TENM2: variants seen among roughly 807,000 people sequenced by gnomAD.
TENM2 encodes the protein teneurin transmembrane protein 2.
In TENM2, 52 loss-of-function variants were observed where a neutral mutation model predicts 245.2. The observed-to-expected ratio is 0.21, with a 90% CI of 0.17 to 0.27. The LOEUF is 0.27. Ranked by LOEUF, TENM2 falls within the 10% of genes least tolerant of loss-of-function variation. The pLI, the probability that TENM2 is intolerant of heterozygous loss-of-function variation, is 1.00. For missense variants in TENM2, 3,046 were observed against 3,666.8 expected, an observed-to-expected ratio of 0.83 and a Z score of 4.37; for synonymous variants, 1,363 against 1,438.9, an observed-to-expected ratio of 0.95 and a Z score of 1.19.
chr5:168,227,127 C>T (rs1764266758), intron 24 of TENM2, among the ~76,000 whole-genome samples: 1 of 152,156 alleles, frequency 6.6e-6, no homozygotes, highest in African/African-American at 2.4e-5. Flanking sequence ...CAGGCCAGCT[C>T]CTTTGCCCAG....
intron 2 of TENM2, among the ~76,000 whole-genome samples, chr5:167,620,120 G>A (rs974513953): frequency 1.3e-5 from 2 of 152,124 alleles, no homozygotes; most frequent in Admixed American, 6.6e-5. Flanking sequence ...ATAGTCGGCC[G>A]TGTGGTTAGT....
chr5:167,678,951 A>G (rs1756522008), intron 2 of TENM2, among the ~76,000 whole-genome samples: 1 of 152,250 alleles, frequency 6.6e-6, no homozygotes, highest in Non-Finnish European at 1.5e-5. Flanking sequence ...GGCAAAGTTG[A>G]CGATCTCTTT....
chr5:168,112,218 G>C (rs1025857864), intron 9 of TENM2, among the ~76,000 whole-genome samples: 4 of 152,050 alleles, frequency 2.6e-5, no homozygotes, highest in Non-Finnish European at 4.4e-5. Context: ...TCATTAATCT[G>C]TATGGAATTT....
chr5:168,150,188 GC>G (rs35379079), intron 12 of TENM2, among the ~76,000 whole-genome samples: 116,377 of 152,182 alleles, frequency 0.76, 45,362 homozygotes, highest in African/African-American at 0.92. Context: ...ACTACTGTAT[GC>G]CCCTTGTCTA....
chr5:167,487,387 T>G (rs1252497648), intron 2 of TENM2, among the ~76,000 whole-genome samples: 1 of 152,188 alleles, frequency 6.6e-6, no homozygotes, highest in Non-Finnish European at 1.5e-5. Flanking sequence ...ATGTGTTTTC[T>G]TGTGCATTTG....
At chr5:167,030,309 T>A in the TENM2 span, among the ~76,000 whole-genome samples, 1 of 152,176 alleles carries the variant, frequency 6.6e-6, no homozygotes, top group Admixed American at 6.5e-5. Flanking sequence ...GTTGGGAGTT[T>A]AAAATAAAAT....
intron 2 of TENM2, among the ~76,000 whole-genome samples, chr5:167,437,793 A>T (rs1302335554): frequency 6.6e-6 from 1 of 152,106 alleles, no homozygotes; most frequent in Non-Finnish European, 1.5e-5. Context: ...CTTGATTCTC[A>T]TTCTCTCTTG....
intron 2 of TENM2, among the ~76,000 whole-genome samples, chr5:167,865,637 C>T (rs371244013): frequency 2.0e-5 from 3 of 152,030 alleles, no homozygotes; most frequent in East Asian, 3.9e-4. Flanking sequence ...AAAATGTGGT[C>T]GCGCTACCAT....
At chr5:167,642,381 C>G (rs1779668814) in intron 2 of TENM2, among the ~76,000 whole-genome samples, 1 of 152,086 alleles carries the variant, frequency 6.6e-6, no homozygotes, top group East Asian at 1.9e-4. Context: ...ATGGTATTTA[C>G]AAAATGAGCC....
chr5:168,019,118 T>G (rs1581073874), intron 5 of TENM2, among the ~76,000 whole-genome samples: 1 of 152,188 alleles, frequency 6.6e-6, no homozygotes, highest in Middle Eastern at 3.4e-3. Context: ...GTGCAGTGAT[T>G]AAAGCCTGGG....
intron 12 of TENM2, among the ~76,000 whole-genome samples, chr5:168,158,901 A>G (rs2152442391): frequency 7.0e-6 from 1 of 142,112 alleles, no homozygotes; most frequent in South Asian, 2.2e-4. Flanking sequence ...ATATATATAC[A>G]TGTATATATG....
intron 2 of TENM2, among the ~76,000 whole-genome samples, chr5:167,819,116 A>G (rs1381261834): frequency 6.6e-6 from 1 of 151,698 alleles, no homozygotes; most frequent in East Asian, 1.9e-4. Flanking sequence ...CTCTTCATTC[A>G]TTTATTGCTG....
chr5:167,600,013 G>T (rs1006265567), intron 2 of TENM2, among the ~76,000 whole-genome samples: 1 of 141,578 alleles, frequency 7.1e-6, no homozygotes, highest in Non-Finnish European at 1.5e-5. Flanking sequence ...AGACGTGGTG[G>T]TGGGTACCTG....
chr5:168,162,895 C>T (rs1757877943), intron 13 of TENM2, 138 bp downstream of exon 15: 4 of 1,047,348 alleles, frequency 3.8e-6, no homozygotes, highest in South Asian at 3.1e-5. Context: ...GAAGCAAATG[C>T]AGCAGAGAAC....
At chr5:167,395,353 T>C (rs1220196066) in intron 2 of TENM2, among the ~76,000 whole-genome samples, 1 of 152,184 alleles carries the variant, frequency 6.6e-6, no homozygotes, top group East Asian at 1.9e-4. Flanking sequence ...GCAACTTTAC[T>C]GAATGGTTTA....
the TENM2 span, among the ~76,000 whole-genome samples, chr5:167,105,378 C>T: frequency 6.6e-6 from 1 of 152,152 alleles, no homozygotes; most frequent in Admixed American, 6.5e-5. Flanking sequence ...TTCTCATTCT[C>T]ACTCTGCTCT....
chr5:168,175,339 A>T (rs1224706549), intron 13 of TENM2, among the ~76,000 whole-genome samples: 1 of 152,206 alleles, frequency 6.6e-6, no homozygotes, highest in Admixed American at 6.5e-5. Context: ...TAATACATAC[A>T]TTTCAAAATC....
intron 13 of TENM2, among the ~76,000 whole-genome samples, chr5:168,163,738 A>T (rs940901574): frequency 1.3e-5 from 2 of 152,198 alleles, no homozygotes; most frequent in Non-Finnish European, 2.9e-5. Context: ...CTAAATTACA[A>T]AGTTTTCCAG....
chr5:167,927,257 T>C (rs1202993015), intron 3 of TENM2, among the ~76,000 whole-genome samples: 4 of 152,208 alleles, frequency 2.6e-5, no homozygotes, highest in Admixed American at 6.5e-5. Flanking sequence ...GTCAAAAATC[T>C]CTATGCCACT....
Sources: allele counts gnomAD v4.1 joint callset (sites outside exome capture counted in the v4.1 genomes callset), GRCh38; gene constraint gnomAD v4.1.1; transcripts MANE v1.5; gene names NCBI Gene and HGNC (gene_info 2026-07-23, HGNC 2026-07-21).